Variants in TDRKH observed in about 807,000 individuals in gnomAD.
TDRKH encodes tudor and KH domain containing, also known as tudor and KH domain-containing protein.
TDRKH carries 28 observed loss-of-function variants against 61.3 expected under a neutral mutation model. The observed-to-expected ratio is 0.46, with a 90% CI of 0.34 to 0.63. The LOEUF (loss-of-function observed/expected upper bound fraction) is 0.63, where lower values mean the gene tolerates loss of function less well. Ranked by LOEUF, TDRKH falls within the 20% of genes least tolerant of loss-of-function variation. The pLI is 0.01. For synonymous variants in TDRKH, 219 were observed against 244.4 expected (o/e 0.90, Z 0.97); for missense variants, 540 against 683.4 (o/e 0.79, Z 2.34).
chr1:151,770,261 G>C (rs1484536024), downstream of TDRKH: 11 of 1,612,410 alleles, frequency 6.8e-6, no homozygotes, highest in South Asian at 1.1e-5. Context: ...GACAGAGGTG[G>C]GGATCTGCTG....
chr1:151,775,500 G>C lies in TDRKH; in HGVS notation c.1326C>G (p.Leu442=), dbSNP rs1227584542. 2 of 1,614,016 alleles carry C rather than the reference G, an allele frequency of 1.2e-6. No individual in the cohort carries two copies. The highest frequency in any genetic ancestry group is 1.7e-6 in the Non-Finnish European group (2 of 1,179,992). Residue 442 remains leucine (L), a synonymous_variant, in exon 10 of 13, where the codon CTC becomes CTG. Transcript: ENST00000368824. ...EEEALDEFDR[L]THCADWKPLV... ...GAGGCTTCCAGTCAGCACAATGAGT[G>C]AGTCTATCAAACTCATCCAAAGCTT...
rs764627172 is a variant in TDRKH, at chr1:151,781,570, C to A, written c.142G>T (p.Val48Phe). The change falls in exon 3 of 13, where the codon GTT becomes TTT. Residue 48 changes from valine to phenylalanine, a missense_variant. Physicochemically the swap from Val to Phe is conservative, Grantham distance 50. Around this residue, in one of 3 missense-constraint regions of TDRKH, gnomAD observed 156 missense variants for 218.0 expected, o/e 0.72. Coordinates refer to ENST00000368824, the MANE Select transcript of TDRKH (RefSeq NM_001083965.2). ...RESREERLTF[V>F]GEDDIEIEMR... ...TCTATCTCAATGTCATCTTCCCCAA[C>A]AAATGTCAGCCGCTCTTCTGCACAG... 1.9e-6 allele frequency: 3 copies of A among 1,613,574 alleles called. No homozygotes were observed. Among genetic ancestry groups the A allele is most frequent in the Non-Finnish European group, 2.5e-6 (3 of 1,179,756 alleles).
chr1:151,787,808 C>CAAAAAAAAAA (rs71093211), intron 1 of TDRKH, among the ~76,000 whole-genome samples: 2 of 50,572 alleles, frequency 4.0e-5, no homozygotes, highest in African/African-American at 7.3e-5. Flanking sequence ...TCTGTTTCTA[C>CAAAAAAAAAA]AAAAAAAAAA....
rs1049377849 is a variant in TDRKH at position 151,774,333 on chromosome 1, A to G, written c.*119T>C. 1.0e-6 allele frequency: 1 copy of G among 992,438 alleles called. No individual in the cohort carries two copies. Among genetic ancestry groups the G allele is most frequent in the Non-Finnish European group, 1.5e-6 (1 of 663,038 alleles). 61.5% of individuals were successfully genotyped at this position (992,438 alleles called of 1,614,324 possible). The stretch of plus-strand genomic sequence containing the variant: ...GAAGTATATTAAGACAGGGCATGGG[A>G]AAGAGGGAATCAAAGCAAGTGCCCC... On this transcript the variant is annotated 3_prime_UTR_variant, in exon 13 of 13. Transcript: ENST00000368824.
At chr1:151,778,594 C>T in intron 6 of TDRKH, 91 bp downstream of exon 6, 1 of 1,591,646 alleles carries the variant, frequency 6.3e-7, no homozygotes. Flanking sequence ...ACTGGCTGCT[C>T]AGACTGAGAA....
At chr1:151,789,906 G>A (rs924223037) in intron 1 of TDRKH, among the ~76,000 whole-genome samples, 9 of 152,112 alleles carry the variant, frequency 5.9e-5, no homozygotes, top group Non-Finnish European at 1.2e-4. Context: ...TGAAATAGGG[G>A]TCTCCAGCCA....
chr1:151,770,226 T>G (rs1396495045), downstream of TDRKH: 1 of 1,613,908 alleles, frequency 6.2e-7, no homozygotes, highest in South Asian at 1.1e-5. Flanking sequence ...ACTCTGTGTT[T>G]GTGAACTTCC....
chr1:151,766,665 C>T, downstream of TDRKH: 2 of 1,548,800 alleles, frequency 1.3e-6, no homozygotes, highest in Non-Finnish European at 1.7e-6. Context: ...GTTGCCTAAA[C>T]CTCTGCCACC....
rs1648938737 is a variant in TDRKH, at chr1:151,774,287, C to T, written c.*165G>A. 1.5e-6 allele frequency: 1 copy of T among 660,832 alleles called. No individual in the cohort carries two copies. The highest frequency in any genetic ancestry group is 3.1e-5 in the Admixed American group (1 of 32,184). The allele number at this position is 660,832 out of a possible 1,614,324, so 40.9% of individuals were successfully genotyped here. A position where few individuals can be genotyped will look rare whatever the true frequency, so the allele number is the denominator to read the frequency against. ...GTGCTCAATCTGAGAGCAAGTTAAG[C>T]TGCAGGAAAGCAGCTGCAGAGAAGT... is the stretch of plus-strand genomic sequence containing the variant. On this transcript the variant is annotated 3_prime_UTR_variant, in exon 13 of 13. Transcript: ENST00000368824.
chr1:151,787,634 A>G (rs2101626133), intron 1 of TDRKH, among the ~76,000 whole-genome samples: 1 of 152,130 alleles, frequency 6.6e-6, no homozygotes, highest in Non-Finnish European at 1.5e-5. Flanking sequence ...AGAAGGAGGA[A>G]GAAGAATTTC....
rs1222794094 is a variant in TDRKH, at chr1:151,781,726, A to G, written c.125-139T>C. 8.6e-6 allele frequency: 6 copies of G among 695,360 alleles called. No individual in the cohort carries two copies. In the South Asian group the frequency reaches 1.1e-4, roughly 13 times the overall value. The allele number at this position is 695,360 out of a possible 1,614,324, so 43.1% of individuals were successfully genotyped here. A position where few individuals can be genotyped will look rare whatever the true frequency, so the allele number is the denominator to read the frequency against. On this transcript the variant is annotated intron_variant, in intron 2 of 12. Coordinates refer to ENST00000368824, the MANE Select transcript of TDRKH (RefSeq NM_001083965.2). ...GAGGATCTCAACCATAACAACAAGG[A>G]AAAGTGGCATCTGAATGGGAATTAG...
chr1:151,775,715 G>A, intron 9 of TDRKH, 105 bp downstream of exon 9: 2 of 1,502,592 alleles, frequency 1.3e-6, no homozygotes, highest in East Asian at 4.6e-5. Context: ...AGGCACCTGA[G>A]TCCCCAGAAT....
intron 1 of TDRKH, among the ~76,000 whole-genome samples, chr1:151,789,423 T>G (rs1650678004): frequency 6.6e-6 from 1 of 152,204 alleles, no homozygotes; most frequent in Admixed American, 6.5e-5. Context: ...AGCTTGTGTT[T>G]GATTTTATTA....
intron 1 of TDRKH, chr1:151,783,511 CTATT>C (rs1650034826): frequency 6.6e-6 from 1 of 152,372 alleles, no homozygotes; most frequent in Non-Finnish European, 1.5e-5. Flanking sequence ...CTTTTGGTTT[CTATT>C]TATTTACTCC....
At position 151,776,619 on chromosome 1, in the gene TDRKH, T is replaced by A. The variant is rs1461298999; in HGVS notation, c.884-20A>T. 2 of 1,612,906 alleles carry A rather than the reference T, an allele frequency of 1.2e-6. No homozygotes were observed. Among genetic ancestry groups the A allele is most frequent in the Non-Finnish European group, 1.7e-6 (2 of 1,179,106 alleles). On this transcript the variant is annotated intron_variant, in intron 6 of 12. Transcript: ENST00000368824. ...TGGGGACTGAACACAGAGATAAGGA[T>A]GGTGGCCACATCAGACCCATCTCTG... is the stretch of plus-strand genomic sequence containing the variant.
chr1:151,770,457 C>T, downstream of TDRKH: 2 of 686,438 alleles, frequency 2.9e-6, no homozygotes, highest in Non-Finnish European at 4.5e-6. Context: ...GAAGCCCCTG[C>T]AGGTGGTGTT....
chr1:151,769,322 C>A (rs1459366780), downstream of TDRKH: 13 of 150,802 alleles, frequency 8.6e-5, no homozygotes, highest in African/African-American at 3.2e-4. Flanking sequence ...GGGCGGCTGA[C>A]CGGGCGGGGG....
At chr1:151,777,719 AT>A (rs35582886) in intron 6 of TDRKH, among the ~76,000 whole-genome samples, 233 of 129,696 alleles carry the variant, frequency 1.8e-3, no homozygotes, top group African/African-American at 4.8e-3. Flanking sequence ...AAAATAGTTA[AT>A]TTTTTTTTTT....
Position 151,779,250 on chromosome 1 carries a change from A to T in TDRKH, c.422-8T>A. The T allele has an allele frequency of 6.2e-7, 1 of 1,613,080 alleles. No homozygotes were observed. The highest frequency in any genetic ancestry group is 1.3e-5 in the African/African-American group (1 of 74,944). On this transcript the variant is annotated splice_region_variant and splice_polypyrimidine_tract_variant and intron_variant, in intron 4 of 12. Transcript: ENST00000368824. ...TTGTCTCGCCGCCTCTCCCTACATTAAACAATATATAAAAACCTGCCCTTC... is the reference window on the plus strand; with the variant it reads ...TTGTCTCGCCGCCTCTCCCTACATTTAACAATATATAAAAACCTGCCCTTC...
Sources: gnomAD v4.1 joint callset for allele counts (sites outside exome capture counted in the v4.1 genomes callset) on GRCh38, gnomAD v4.1.1 for gene constraint, gnomAD v4.1.1 regional missense constraint, MANE v1.5 for transcripts, NCBI Gene and HGNC (gene_info 2026-07-23, HGNC 2026-07-21) for gene names.